UST: variants seen among roughly 807,000 people sequenced by gnomAD.
UST encodes the protein uronyl 2-sulfotransferase.
In UST, 21 loss-of-function variants were observed where a neutral mutation model predicts 45.6. That is an observed-to-expected ratio of 0.46 (90% confidence interval 0.33 to 0.66). The LOEUF (loss-of-function observed/expected upper bound fraction) is 0.66. UST is among the 30% of genes least tolerant of loss of function. The pLI, the probability that UST is intolerant of heterozygous loss-of-function variation, is 0.02. For missense variants in UST, 463 were observed against 512.4 expected (o/e 0.90, Z 0.93); for synonymous variants, 215 against 200.6 (o/e 1.07, Z -0.61).
intron 5 of UST, among the ~76,000 whole-genome samples, chr6:149,010,584 A>T (rs1775789607): frequency 6.6e-6 from 1 of 152,044 alleles, no homozygotes; most frequent in African/African-American, 2.4e-5. Context: ...TTATAATGGA[A>T]CATTTCAGCA....
At chr6:148,941,246 G>A (rs748456376) in intron 2 of UST, 33 bp from the exon 3 acceptor site, 37 of 1,611,086 alleles carry the variant, frequency 2.3e-5, no homozygotes, top group South Asian at 1.9e-4. Context: ...CCATACAGAC[G>A]TTTCATGTTT....
intron 1 of UST, among the ~76,000 whole-genome samples, chr6:148,832,271 T>C (rs1410077736): frequency 6.6e-6 from 1 of 152,206 alleles, no homozygotes; most frequent in East Asian, 1.9e-4. Flanking sequence ...TAATTGACTT[T>C]AAACCAAACA....
chr6:149,035,249 A>T (rs1286446384), intron 7 of UST, among the ~76,000 whole-genome samples: 1 of 151,866 alleles, frequency 6.6e-6, no homozygotes, highest in Non-Finnish European at 1.5e-5. Flanking sequence ...TTTATATAAC[A>T]TCTTGTTCTT....
chr6:149,067,020 A>G (rs1776741716), intron 7 of UST, among the ~76,000 whole-genome samples: 2 of 152,128 alleles, frequency 1.3e-5, no homozygotes, highest in African/African-American at 2.4e-5. Context: ...ACCTTTCTTC[A>G]TAGGGAAAGG....
chr6:148,931,455 T>C (rs1277352846), intron 2 of UST, among the ~76,000 whole-genome samples: 2 of 152,194 alleles, frequency 1.3e-5, no homozygotes, highest in East Asian at 3.8e-4. Flanking sequence ...AGTGGAGAGA[T>C]TATCTATCCA....
chr6:148,807,890 C>T (rs1034923240), intron 1 of UST, among the ~76,000 whole-genome samples: 1 of 152,162 alleles, frequency 6.6e-6, no homozygotes, highest in African/African-American at 2.4e-5. Flanking sequence ...AATAAGCCCC[C>T]TGAACTCACT....
intron 1 of UST, among the ~76,000 whole-genome samples, chr6:148,821,497 G>A (rs1413625725): frequency 6.6e-6 from 1 of 152,132 alleles, no homozygotes; most frequent in Non-Finnish European, 1.5e-5. Context: ...TCAATAAAAT[G>A]GCATCTGCCA....
intron 1 of UST, among the ~76,000 whole-genome samples, chr6:148,878,280 G>C (rs66944380): frequency 1.3e-5 from 1 of 78,230 alleles, no homozygotes; most frequent in Non-Finnish European, 2.4e-5. Flanking sequence ...GTATGAGTAC[G>C]GGGGATCATG....
chr6:149,040,987 A>G (rs1234169513), intron 7 of UST, among the ~76,000 whole-genome samples: 1 of 152,188 alleles, frequency 6.6e-6, no homozygotes, highest in Non-Finnish European at 1.5e-5. Context: ...GCATCCCCGT[A>G]AGACCCTGGG....
rs780176361 is a variant in UST, at chr6:148,934,286, T to TG, written c.292-6992dup. ...CAGAATTGTCCCTGAATTCAGGCCT[T>TG]GCACAGCCCTGGCTGTGACTCTTTC... On this transcript the variant is annotated intron_variant, in intron 2 of 7. Transcript: ENST00000367463. The surrounding 1 kb of genome is among the most constrained non-coding windows in gnomAD (Gnocchi z 4.1). Among the ~76,000 whole-genome samples the TG allele has an allele frequency of 2.9e-4, 44 of 152,312 alleles. No homozygotes were observed. The highest frequency in any genetic ancestry group is 6.8e-3 in the Middle Eastern group (2 of 294).
intron 1 of UST, among the ~76,000 whole-genome samples, chr6:148,886,746 G>C (rs62426102): frequency 6.6e-6 from 1 of 152,184 alleles, no homozygotes; most frequent in African/African-American, 2.4e-5. Context: ...TGTGTGTTAT[G>C]TATGTTTGTG....
At position 148,907,622 on chromosome 6, in the gene UST, G is replaced by A. The variant is rs149866299; in HGVS notation, c.291+20593G>A. 5.9e-3 allele frequency among the ~76,000 whole-genome samples: 899 copies of A among 152,248 alleles called. 9 individuals carry two copies. Among genetic ancestry groups the A allele is most frequent in the African/African-American group, 0.02 (842 of 41,534 alleles). On this transcript the variant is annotated intron_variant, in intron 2 of 7. Transcript: ENST00000367463. Reference sequence around the variant, plus strand: ...CTTAGTGCAAAGAAAGAAAAGGGTGGCCATTTTCTTATGGCCTTCAGTCAT... The same window carrying A: ...CTTAGTGCAAAGAAAGAAAAGGGTGACCATTTTCTTATGGCCTTCAGTCAT...
intron 7 of UST, among the ~76,000 whole-genome samples, chr6:149,054,030 C>T (rs889569481): frequency 2.4e-4 from 36 of 152,202 alleles, no homozygotes; most frequent in African/African-American, 8.4e-4. Context: ...AATTTGAGAG[C>T]AGCTGTGGTT....
intron 5 of UST, among the ~76,000 whole-genome samples, chr6:148,993,602 A>T (rs1781394731): frequency 6.6e-6 from 1 of 152,186 alleles, no homozygotes; most frequent in Admixed American, 6.5e-5. Flanking sequence ...TTGAATTGTA[A>T]TCCCCAGTAT....
chr6:148,877,852 G>C (rs1405257209), intron 1 of UST, among the ~76,000 whole-genome samples: 4 of 139,006 alleles, frequency 2.9e-5, no homozygotes, highest in African/African-American at 1.1e-4. Flanking sequence ...TCGTGTACGA[G>C]TGCGGGGATC....
chr6:149,071,017 C>T (rs1776811350), intron 7 of UST, among the ~76,000 whole-genome samples: 2 of 152,172 alleles, frequency 1.3e-5, no homozygotes, highest in African/African-American at 2.4e-5. Context: ...CCACCTGCCT[C>T]GTCCTCCCAA....
At chr6:148,801,841 G>C (rs890918711) in intron 1 of UST, among the ~76,000 whole-genome samples, 4 of 152,152 alleles carry the variant, frequency 2.6e-5, no homozygotes, top group African/African-American at 9.7e-5. Context: ...TCTTGGGAAA[G>C]TTTCCAGGTT....
chr6:148,849,089 T>G (rs953290910), intron 1 of UST, among the ~76,000 whole-genome samples: 5 of 152,176 alleles, frequency 3.3e-5, no homozygotes, highest in Non-Finnish European at 7.4e-5. Context: ...CTGTTCAGGC[T>G]CTGGATGAGT....
In UST at chr6:148,748,453, G is replaced by GTGTGT. The variant is rs1554287613; in HGVS notation, c.247+776_247+777insTGTGT. ...TGTGTGTGTGTGTGTGTGTGTGTGT[G>GTGTGT]GTTTATTAGGAGAGAGGCCGCCTGT... On this transcript the variant is annotated intron_variant, in intron 1 of 7. Coordinates refer to ENST00000367463, the MANE Select transcript of UST (RefSeq NM_005715.3). This position sits in a 1 kb window ranked among gnomAD's most constrained non-coding sequence, Gnocchi z 5.3. Among the ~76,000 whole-genome samples, 12 of 140,550 alleles carry GTGTGT rather than the reference G, an allele frequency of 8.5e-5. No homozygotes were observed. The highest frequency in any genetic ancestry group is 2.3e-4 in the South Asian group (1 of 4,316). The allele number at this position is 140,550 out of a possible 152,430, so 92.2% of individuals were successfully genotyped here. A position where few individuals can be genotyped will look rare whatever the true frequency, so the allele number is the denominator to read the frequency against.
Sources: gnomAD v4.1 joint callset for allele counts (sites outside exome capture counted in the v4.1 genomes callset) on GRCh38, gnomAD v4.1.1 for gene constraint, Gnocchi (gnomAD v3.1) non-coding constraint, MANE v1.5 for transcripts, NCBI Gene and HGNC (gene_info 2026-07-23, HGNC 2026-07-21) for gene names.